The following CCDC171 variants were observed in gnomAD, a reference collection of about 807,000 sequenced individuals.
The protein encoded by CCDC171 is coiled-coil domain containing 171.
In CCDC171, 177 loss-of-function variants were observed where a neutral mutation model predicts 168.2. The ratio of observed to expected loss-of-function variants is 1.05; its 90% CI spans 0.93 to 1.19. The LOEUF is 1.19. Ranked by LOEUF, CCDC171 falls within the 50% of genes most tolerant of loss-of-function variation. The pLI is 0.00. For missense variants in CCDC171, 1,991 were observed against 1,539.0 expected, an observed-to-expected ratio of 1.29 and a Z score of -4.91; for synonymous variants, 687 against 540.8, an observed-to-expected ratio of 1.27 and a Z score of -3.75.
chr9:15,798,639 A>C (rs1013610606), intron 21 of CCDC171, among the ~76,000 whole-genome samples: 1 of 152,162 alleles, frequency 6.6e-6, no homozygotes, highest in Non-Finnish European at 1.5e-5. Flanking sequence ...AGTGTAGCCC[A>C]CTGTCCATAT....
At chr9:15,931,853 TC>T in intron 25 of CCDC171, among the ~76,000 whole-genome samples, 1 of 151,822 alleles carries the variant, frequency 6.6e-6, no homozygotes, top group Non-Finnish European at 1.5e-5. Context: ...TATTTAGTTT[TC>T]CCAATACTAT....
chr9:15,739,258 C>T lies in CCDC171; in HGVS notation c.2050-5015C>T, dbSNP rs113253873. On this transcript the variant is annotated intron_variant, in intron 16 of 25. Transcript: ENST00000380701. The stretch of plus-strand genomic sequence containing the variant: ...TAGGGGAGATCGAAGGCAAAGGAGC[C>T]GGGTGTTCTACAGAACATGTTAAAT... Among the ~76,000 whole-genome samples, 7 of 152,168 alleles carry T rather than the reference C, an allele frequency of 4.6e-5. 1 individual carries two copies. The highest frequency in any genetic ancestry group is 1.7e-4 in the African/African-American group (7 of 41,522).
chr9:15,808,750 G>T (rs1459599238), intron 21 of CCDC171, among the ~76,000 whole-genome samples: 1 of 152,114 alleles, frequency 6.6e-6, no homozygotes, highest in Non-Finnish European at 1.5e-5. Context: ...TTTTTTGATG[G>T]GCTGTCTGTG....
intron 18 of CCDC171, among the ~76,000 whole-genome samples, chr9:15,771,688 A>G (rs762512450): frequency 5.3e-5 from 8 of 152,214 alleles, no homozygotes; most frequent in Admixed American, 3.9e-4. Context: ...GTTACTGAGA[A>G]AGGCTAGCCT....
chr9:15,989,783 A>G (rs1439977490), intron 3 of CCDC171, among the ~76,000 whole-genome samples: 5 of 152,192 alleles, frequency 3.3e-5, no homozygotes, highest in African/African-American at 1.2e-4. Context: ...TGACAAATGC[A>G]CAAGCTTCAG....
In CCDC171 at chr9:15,590,785, CTTTCTTTCTT is replaced by C. The variant is rs769717452; in HGVS notation, c.353-579_353-570del. Among the ~76,000 whole-genome samples, 80 of 61,378 alleles carry C rather than the reference CTTTCTTTCTT, an allele frequency of 1.3e-3. No individual in the cohort carries two copies. The Middle Eastern group carries it at 0.031, about 23-fold the overall frequency. 40.3% of individuals were successfully genotyped at this position (61,378 alleles called of 152,430 possible). ...TTTCTTTCTTTCTCTTTCTTTCTTTCTTTCTTTCTTTCTTTCTTTCTTTCTTTCTTTCTTT... is the reference window on the plus strand; with the variant it reads ...TTTCTTTCTTTCTCTTTCTTTCTTTCTCTTTCTTTCTTTCTTTCTTTCTTT... On this transcript the variant is annotated intron_variant, in intron 4 of 25. Coordinates refer to ENST00000380701, the MANE Select transcript of CCDC171 (RefSeq NM_173550.4).
intron 3 of CCDC171, among the ~76,000 whole-genome samples, chr9:15,998,826 A>G (rs1349891745): frequency 1.3e-5 from 2 of 152,304 alleles, no homozygotes; most frequent in South Asian, 2.1e-4. Context: ...TGAAAATTTG[A>G]AGAGAGGGAC....
At chr9:15,868,907 A>G (rs1213290205) in intron 23 of CCDC171, among the ~76,000 whole-genome samples, 1 of 151,982 alleles carries the variant, frequency 6.6e-6, no homozygotes, top group Non-Finnish European at 1.5e-5. Context: ...ACCAATATCC[A>G]TGATATTGAA....
intron 11 of CCDC171, among the ~76,000 whole-genome samples, chr9:15,706,062 C>T (rs1408008272): frequency 6.6e-6 from 1 of 152,148 alleles, no homozygotes; most frequent in Non-Finnish European, 1.5e-5. Context: ...TCTTGATTGC[C>T]TCTATCATTA....
chr9:15,943,590 A>C (rs1296333513), intron 25 of CCDC171, among the ~76,000 whole-genome samples: 1 of 152,002 alleles, frequency 6.6e-6, no homozygotes, highest in Non-Finnish European at 1.5e-5. Context: ...TTATAGCCTT[A>C]GCAGCACCCA....
chr9:15,621,551 G>A (rs1489162843), intron 6 of CCDC171, among the ~76,000 whole-genome samples: 1 of 152,090 alleles, frequency 6.6e-6, no homozygotes, highest in Non-Finnish European at 1.5e-5. Flanking sequence ...TTATGAATAA[G>A]GGGATTCATA....
chr9:15,570,478 A>G (rs1489673753), intron 2 of CCDC171, among the ~76,000 whole-genome samples: 1 of 151,684 alleles, frequency 6.6e-6, no homozygotes, highest in East Asian at 1.9e-4. Flanking sequence ...GTCTCTGCTT[A>G]TCATATTAGA....
chr9:15,975,742 G>C (rs1421730468), downstream of CCDC171, among the ~76,000 whole-genome samples: 1 of 152,144 alleles, frequency 6.6e-6, no homozygotes, highest in Non-Finnish European at 1.5e-5. Context: ...CTAGGATAAA[G>C]ATTTAAAAAT....
At chr9:15,906,414 A>G (rs941575747) in intron 24 of CCDC171, among the ~76,000 whole-genome samples, 16 of 152,240 alleles carry the variant, frequency 1.1e-4, no homozygotes, top group African/African-American at 3.9e-4. Context: ...AGAACCAACA[A>G]CAAAATCCAT....
intron 1 of CCDC171, among the ~76,000 whole-genome samples, chr9:15,557,378 G>T (rs1347702245): frequency 6.6e-6 from 1 of 152,132 alleles, no homozygotes; most frequent in Admixed American, 6.5e-5. Flanking sequence ...CATGAGCATG[G>T]AATGTTCTTC....
chr9:15,822,595 C>T (rs1317058564), intron 21 of CCDC171, among the ~76,000 whole-genome samples: 2 of 152,184 alleles, frequency 1.3e-5, no homozygotes, highest in African/African-American at 4.8e-5. Flanking sequence ...TGCTCATCAT[C>T]ACTGACCATC....
intron 18 of CCDC171, among the ~76,000 whole-genome samples, chr9:15,769,323 T>G (rs2056892823): frequency 6.6e-6 from 1 of 152,188 alleles, no homozygotes; most frequent in South Asian, 2.1e-4. Flanking sequence ...AATATAGATT[T>G]ATGATTGGGT....
chr9:16,059,530 C>T (rs1225843136), intron 1 of CCDC171, among the ~76,000 whole-genome samples: 2 of 104,980 alleles, frequency 1.9e-5, no homozygotes, highest in Non-Finnish European at 3.5e-5. Flanking sequence ...TTTTTTGAGA[C>T]GGAGTCTCGC....
intron 3 of CCDC171, chr9:16,020,456 A>T (rs1213009410): frequency 6.5e-6 from 1 of 153,248 alleles, no homozygotes; most frequent in Admixed American, 6.5e-5. Context: ...AAATTGTAGA[A>T]GATTTGTTTT....
Sources: allele counts gnomAD v4.1 joint callset (sites outside exome capture counted in the v4.1 genomes callset), GRCh38; gene constraint gnomAD v4.1.1; transcripts MANE v1.5; gene names NCBI Gene and HGNC (gene_info 2026-07-23, HGNC 2026-07-21).